Variants in MUC15 observed in about 807,000 individuals in gnomAD.
MUC15 encodes the protein mucin 15, cell surface associated.
In MUC15, 23 loss-of-function variants were observed where a neutral mutation model predicts 24.0. That is an observed-to-expected ratio of 0.96 (90% CI 0.69 to 1.36). The LOEUF is 1.36. MUC15 is among the 40% of genes most tolerant of loss of function. The pLI is 0.00. For missense variants in MUC15, 442 were observed against 428.2 expected, an observed-to-expected ratio of 1.03 and a Z score of -0.29; for synonymous variants, 151 against 156.3, an observed-to-expected ratio of 0.97 and a Z score of 0.25.
chr11:26,565,994 T>C (rs1850565789), intron 2 of MUC15, 98 bp from the exon 3 acceptor site: 1 of 1,182,348 alleles, frequency 8.5e-7, no homozygotes, highest in African/African-American at 1.6e-5. Context: ...CTAGACATAA[T>C]ATAGAGATGG....
At chr11:26,571,186 A>G (rs1046141027) in intron 1 of MUC15, among the ~76,000 whole-genome samples, 1 of 152,062 alleles carries the variant, frequency 6.6e-6, no homozygotes, top group Non-Finnish European at 1.5e-5. Context: ...AGAAAGAAAG[A>G]AAGTTTCTCC....
At chr11:26,563,935 T>C (rs1163669436) in intron 3 of MUC15, among the ~76,000 whole-genome samples, 1 of 151,948 alleles carries the variant, frequency 6.6e-6, no homozygotes, top group Non-Finnish European at 1.5e-5. Flanking sequence ...CTAAATGTTC[T>C]CTGAACTGAA....
chr11:26,571,752 G>T (rs751740771), intron 1 of MUC15, among the ~76,000 whole-genome samples: 1 of 152,040 alleles, frequency 6.6e-6, no homozygotes, highest in East Asian at 1.9e-4. Context: ...TCATAGTCAC[G>T]TATGTTTTAA....
chr11:26,571,680 T>C (rs1310212546), intron 1 of MUC15, among the ~76,000 whole-genome samples: 1 of 152,186 alleles, frequency 6.6e-6, no homozygotes, highest in Non-Finnish European at 1.5e-5. Context: ...ATATTCATGC[T>C]GCCACTTCCA....
At chr11:26,563,396 T>A in intron 3 of MUC15, 131 bp from the exon 4 acceptor site, 1 of 42,814 alleles carries the variant, frequency 2.3e-5, no homozygotes, top group South Asian at 3.6e-4. Flanking sequence ...TTTCTCTCTC[T>A]GTGTGTGTGT....
At chr11:26,565,099 A>C in intron 3 of MUC15, 66 bp downstream of exon 3, 1 of 1,432,488 alleles carries the variant, frequency 7.0e-7, no homozygotes, top group Non-Finnish European at 9.3e-7. Flanking sequence ...CCTTAGACTT[A>C]CTCTGCATGA....
chr11:26,563,943 G>T (rs867723414), intron 3 of MUC15, among the ~76,000 whole-genome samples: 1 of 151,844 alleles, frequency 6.6e-6, no homozygotes, highest in African/African-American at 2.4e-5. Flanking sequence ...TCTCTGAACT[G>T]AAATTTAGTA....
Position 26,563,145 on chromosome 11 carries a change from CG to C in MUC15, c.895del (p.Arg299GlyfsTer14), listed in dbSNP as rs759863371. 6.2e-7 allele frequency: 1 copy of C among 1,611,732 alleles called. No individual in the cohort carries two copies. Among genetic ancestry groups the C allele is most frequent in the Non-Finnish European group, 8.5e-7 (1 of 1,178,626 alleles). ...GKRKTDSFSH[R>X]RLYDDRNEPV... Reference sequence around the variant, plus strand: ...TTCATTTCTGTCGTCATAAAGTCGCCGATGGGAAAATGAATCCGTTTTCCTT... The same window carrying C: ...TTCATTTCTGTCGTCATAAAGTCGCCATGGGAAAATGAATCCGTTTTCCTT... On this transcript the variant is annotated frameshift_variant, in exon 4 of 5. Coordinates refer to ENST00000529533, the MANE Select transcript of MUC15 (RefSeq NM_001135091.2). LOFTEE classifies it high-confidence loss of function.
At chr11:26,564,163 T>C (rs1850420371) in intron 3 of MUC15, among the ~76,000 whole-genome samples, 1 of 151,762 alleles carries the variant, frequency 6.6e-6, no homozygotes, top group Non-Finnish European at 1.5e-5. Context: ...TACTCAGTAT[T>C]CTCAATATGT....
intron 1 of MUC15, among the ~76,000 whole-genome samples, chr11:26,570,904 G>A (rs759029456): frequency 7.2e-5 from 11 of 152,046 alleles, no homozygotes; most frequent in African/African-American, 2.2e-4. Flanking sequence ...TTTTGGAAGC[G>A]TAACCAACTA....
At position 26,563,279 on chromosome 11, in the gene MUC15, A is replaced by T; in HGVS notation, c.776-14T>A. 6.3e-7 allele frequency: 1 copy of T among 1,580,126 alleles called. No homozygotes were observed. The highest frequency in any genetic ancestry group is 8.6e-7 in the Non-Finnish European group (1 of 1,168,618). Reference sequence around the variant, plus strand: ...TATTTCTATTTTCTACAGGACAAAAAAAATTTAAAGAAATATAAAATAATT... The same window carrying T: ...TATTTCTATTTTCTACAGGACAAAATAAATTTAAAGAAATATAAAATAATT... On this transcript the variant is annotated splice_polypyrimidine_tract_variant and intron_variant, in intron 3 of 4. Coordinates refer to ENST00000529533, the MANE Select transcript of MUC15 (RefSeq NM_001135091.2).
rs754320884 is a variant in MUC15, at chr11:26,561,181, C to CA, written c.969dup (p.Gly324TrpfsTer4). 3 of 1,611,930 alleles carry CA rather than the reference C, an allele frequency of 1.9e-6. No homozygotes were observed. The highest frequency in any genetic ancestry group is 2.5e-6 in the Non-Finnish European group (3 of 1,178,976). On this transcript the variant is annotated frameshift_variant, in exon 5 of 5. Coordinates refer to ENST00000529533, the MANE Select transcript of MUC15 (RefSeq NM_001135091.2). LOFTEE classifies it low-confidence loss of function (END_TRUNC). Reference sequence around the variant, plus strand: ...GTTGGATTGTAGTAGCTAGAATTCCCAAAACTCACATCATAAGGTTCCGGT... The same window carrying CA: ...GTTGGATTGTAGTAGCTAGAATTCCCAAAAACTCACATCATAAGGTTCCGGT...
In MUC15 at chr11:26,565,847, T is replaced by C. The variant is rs11029619; in HGVS notation, c.93A>G (p.Leu31=). ...PIPKKPTMLA[L]AKILLISTLF... ...ACGTTGAAATCAACAGAATTTTGGC[T>C]AAGGCCAACATTGTAGGCTTCTTTG... The change falls in exon 3 of 5, where the codon TTA becomes TTG. Residue 31 remains leucine, a synonymous_variant. Transcript: ENST00000529533. 0.037 allele frequency: 59,221 copies of C among 1,612,488 alleles called. 1,240 individuals are homozygous for C. The highest frequency in any genetic ancestry group is 0.048 in the South Asian group (4,336 of 90,812).
At chr11:26,566,137 A>G (rs1850573871) in intron 2 of MUC15, among the ~76,000 whole-genome samples, 1 of 151,914 alleles carries the variant, frequency 6.6e-6, no homozygotes, top group Non-Finnish European at 1.5e-5. Context: ...AACTTCCTCA[A>G]GCCACACACT....
At position 26,559,867 on chromosome 11, in the gene MUC15, C is replaced by G; in HGVS notation, c.*1198G>C. The G allele has an allele frequency of 3.3e-5, 29 of 877,330 alleles. No homozygotes were observed. Among genetic ancestry groups the G allele is most frequent in the African/African-American group, 5.0e-5 (3 of 60,016 alleles). 54.3% of individuals were successfully genotyped at this position (877,330 alleles called of 1,614,324 possible). A position where few individuals can be genotyped will look rare whatever the true frequency, so the allele number is the denominator to read the frequency against. ...ACACACACACACACACACACACACA[C>G]ACACACACCATGAATCAATTCAAAA... On this transcript the variant is annotated 3_prime_UTR_variant, in exon 5 of 5. Coordinates refer to ENST00000529533, the MANE Select transcript of MUC15 (RefSeq NM_001135091.2).
intron 3 of MUC15, among the ~76,000 whole-genome samples, chr11:26,564,730 CACATATATAT>C (rs1478881860): frequency 3.2e-3 from 76 of 23,960 alleles, no homozygotes; most frequent in Non-Finnish European, 4.0e-3. Context: ...CACACACACA[CACATATATAT>C]ATATATATAT....
chr11:26,561,004 A>G lies in MUC15; in HGVS notation c.*61T>C. 1 of 1,495,684 alleles carries G rather than the reference A, an allele frequency of 6.7e-7. No homozygotes were observed. Among genetic ancestry groups the G allele is most frequent in the South Asian group, 1.3e-5 (1 of 78,556 alleles). 92.7% of individuals were successfully genotyped at this position (1,495,684 alleles called of 1,614,324 possible). On this transcript the variant is annotated 3_prime_UTR_variant, in exon 5 of 5. Transcript: ENST00000529533. ...TTTTGTGTAACCTTTTGAAAGATGA[A>G]TTTGTCAAAAGGCTAGGATGTAGAT...
At chr11:26,568,073 T>C (rs1850667022) in intron 1 of MUC15, among the ~76,000 whole-genome samples, 1 of 152,050 alleles carries the variant, frequency 6.6e-6, no homozygotes, top group Non-Finnish European at 1.5e-5. Context: ...CATAGGTGTT[T>C]GTATTTGTGA....
In MUC15 at chr11:26,563,100, T is replaced by G. The variant is rs1850358608; in HGVS notation, c.925+16A>C. On this transcript the variant is annotated intron_variant, in intron 4 of 4. Transcript: ENST00000529533. Reference sequence around the variant, plus strand: ...AAACCACTGTGCCCAGGTGAAGTATTGAAAATAGATTTTACCTGGTTCATT... The same window carrying G: ...AAACCACTGTGCCCAGGTGAAGTATGGAAAATAGATTTTACCTGGTTCATT... 1.2e-6 allele frequency: 2 copies of G among 1,610,350 alleles called. No homozygotes were observed. The highest frequency in any genetic ancestry group is 8.5e-7 in the Non-Finnish European group (1 of 1,177,988).
Sources: allele counts gnomAD v4.1 joint callset (sites outside exome capture counted in the v4.1 genomes callset), GRCh38; gene constraint gnomAD v4.1.1; transcripts MANE v1.5; gene names NCBI Gene and HGNC (gene_info 2026-07-23, HGNC 2026-07-21).